RBFOX3: variants seen among roughly 807,000 people sequenced by gnomAD.
RBFOX3 encodes RNA binding protein fox-1 homolog 3.
A neutral mutation model predicts 48.7 loss-of-function variants in RBFOX3; 17 were observed. That is an observed-to-expected ratio of 0.35 (90% CI 0.24 to 0.52). RBFOX3 has a LOEUF of 0.52. Among genes scored for constraint, RBFOX3 ranks in the 20% least tolerant of loss-of-function variants. The probability of loss-of-function intolerance (pLI) is 0.94; values close to 1 mark genes in which losing one functional copy is unlikely to be tolerated. For missense variants in RBFOX3, 382 were observed against 497.5 expected (o/e 0.77, Z 2.21); for synonymous variants, 212 against 209.5 (o/e 1.01, Z -0.10).
chr17:79,500,179 C>T (rs1056134087), intron 1 of RBFOX3, among the ~76,000 whole-genome samples: 1 of 152,112 alleles, frequency 6.6e-6, no homozygotes, highest in East Asian at 1.9e-4. Context: ...AACCCACAGA[C>T]CCATAAGGGA....
chr17:79,124,328 C>T (rs541530601), intron 4 of RBFOX3, among the ~76,000 whole-genome samples: 12 of 152,346 alleles, frequency 7.9e-5, no homozygotes, highest in African/African-American at 2.2e-4. Flanking sequence ...ATGGCTGCCC[C>T]GGAGGCCTGA....
chr17:79,452,831 G>A (rs1442362336), intron 2 of RBFOX3, among the ~76,000 whole-genome samples: 2 of 152,176 alleles, frequency 1.3e-5, no homozygotes, highest in African/African-American at 4.8e-5. Context: ...CAACCCGGGG[G>A]CATTGCAGGG....
intron 4 of RBFOX3, among the ~76,000 whole-genome samples, chr17:79,138,743 C>CAT (rs74857731): frequency 9.5e-6 from 1 of 104,996 alleles, no homozygotes; most frequent in African/African-American, 3.9e-5. Flanking sequence ...GCACACAGCA[C>CAT]GTGTTCACAC....
rs559827386 is a variant in RBFOX3 at position 79,110,395 on chromosome 17, G to A, written c.223-3607C>T. On this transcript the variant is annotated intron_variant, in intron 5 of 14. Transcript: ENST00000693108. The stretch of plus-strand genomic sequence containing the variant: ...CGCCTGGGGCCCCCAAGCTTGGCAC[G>A]GAGACAGACAAAGGGAATGAGCCCC... Among the ~76,000 whole-genome samples the A allele has an allele frequency of 3.3e-5, 5 of 152,212 alleles. 1 individual carries two copies. In the South Asian group the frequency reaches 6.2e-4, roughly 19 times the overall value.
At chr17:79,513,688 G>A (rs2149896918) in intron 1 of RBFOX3, among the ~76,000 whole-genome samples, 1 of 152,304 alleles carries the variant, frequency 6.6e-6, no homozygotes, top group East Asian at 1.9e-4. Flanking sequence ...GAGCTCCAGT[G>A]TCCTCCACTC....
At position 79,327,512 on chromosome 17, in the gene RBFOX3, C is replaced by T. The variant is rs560220158; in HGVS notation, c.-174-19688G>A. Among the ~76,000 whole-genome samples the T allele has an allele frequency of 3.3e-5, 5 of 152,350 alleles. No individual in the cohort carries two copies. In the East Asian group the frequency reaches 5.8e-4, roughly 18 times the overall value. On this transcript the variant is annotated intron_variant, in intron 2 of 14. Coordinates refer to ENST00000693108, the MANE Select transcript of RBFOX3 (RefSeq NM_001350451.2). Reference sequence around the variant, plus strand: ...GAATGCTCCAGAGCCAGGTCCTAACCGGGATGAAATCAGGCTGCACCTGAG... The same window carrying T: ...GAATGCTCCAGAGCCAGGTCCTAACTGGGATGAAATCAGGCTGCACCTGAG...
At position 79,179,188 on chromosome 17, in the gene RBFOX3, G is replaced by C. The variant is rs1486079894; in HGVS notation, c.-34+56578C>G. 2.0e-5 allele frequency among the ~76,000 whole-genome samples: 3 copies of C among 152,220 alleles called. No individual in the cohort carries two copies. The East Asian group carries it at 5.8e-4, about 29-fold the overall frequency. ...ATTAGCAGCCTCGCTACCTTAGAGG[G>C]AAGAGAGAATGATTATTAATAAGAA... On this transcript the variant is annotated intron_variant, in intron 4 of 14. Transcript: ENST00000693108.
chr17:79,103,322 CGAG>C lies in RBFOX3; in HGVS notation c.415-71_415-69del. Reference sequence around the variant, plus strand: ...CACAGGGCGAGAAAGAGGAGGAAGACGAGGAAGAAGAGGAGTGGGAGGGGGGCA... The same window carrying C: ...CACAGGGCGAGAAAGAGGAGGAAGACGAAGAAGAGGAGTGGGAGGGGGGCA... On this transcript the variant is annotated intron_variant, in intron 7 of 14. Coordinates refer to ENST00000693108, the MANE Select transcript of RBFOX3 (RefSeq NM_001350451.2). This position sits in a 1 kb window ranked among gnomAD's most constrained non-coding sequence, Gnocchi z 6.1. The C allele has an allele frequency of 9.8e-7, 1 of 1,024,050 alleles. No homozygotes were observed. The highest frequency in any genetic ancestry group is 1.5e-6 in the Non-Finnish European group (1 of 685,476). 63.4% of individuals were successfully genotyped at this position (1,024,050 alleles called of 1,614,324 possible).
chr17:79,553,980 C>T (rs1003452575), intron 1 of RBFOX3, among the ~76,000 whole-genome samples: 37 of 152,164 alleles, frequency 2.4e-4, no homozygotes, highest in Non-Finnish European at 4.3e-4. Context: ...GCAATCCACC[C>T]GCCTCGGCCT....
chr17:79,454,976 G>A (rs962019993), intron 2 of RBFOX3, among the ~76,000 whole-genome samples: 5 of 152,196 alleles, frequency 3.3e-5, no homozygotes, highest in East Asian at 1.9e-4. Context: ...CCACGTGCAC[G>A]AGGCCCGACA....
At chr17:79,446,032 C>T (rs1350388626) in intron 2 of RBFOX3, among the ~76,000 whole-genome samples, 1 of 152,186 alleles carries the variant, frequency 6.6e-6, no homozygotes, top group Non-Finnish European at 1.5e-5. Context: ...ATGCAAGGAA[C>T]GGCCTCCACA....
intron 1 of RBFOX3, among the ~76,000 whole-genome samples, chr17:79,538,225 C>T (rs1332012028): frequency 1.3e-5 from 2 of 152,216 alleles, no homozygotes; most frequent in Non-Finnish European, 2.9e-5. Flanking sequence ...GTCTTCTCTC[C>T]CACAGGCTGA....
chr17:79,571,091 CCTAG>C (rs1295740263), intron 1 of RBFOX3, among the ~76,000 whole-genome samples: 3 of 152,282 alleles, frequency 2.0e-5, no homozygotes, highest in East Asian at 1.9e-4. Context: ...CCGGCCCTGG[CCTAG>C]CTGTCATTTA....
chr17:79,516,184 C>T (rs2085227625), intron 1 of RBFOX3: 1 of 152,232 alleles, frequency 6.6e-6, no homozygotes, highest in African/African-American at 2.4e-5. Context: ...ATGTTCAACA[C>T]AACAAACGAA....
chr17:79,534,962 A>T (rs2088469312), intron 1 of RBFOX3, among the ~76,000 whole-genome samples: 1 of 151,952 alleles, frequency 6.6e-6, no homozygotes, highest in Non-Finnish European at 1.5e-5. Flanking sequence ...GCTCTGGGGG[A>T]CTGCCATGTG....
At chr17:79,434,291 C>A (rs1486219346) in intron 2 of RBFOX3, among the ~76,000 whole-genome samples, 1 of 152,164 alleles carries the variant, frequency 6.6e-6, no homozygotes, top group Non-Finnish European at 1.5e-5. Context: ...TTTGGGGTCA[C>A]AAATAAATTT....
chr17:79,647,485 C>A, the RBFOX3 span, among the ~76,000 whole-genome samples: 1 of 152,276 alleles, frequency 6.6e-6, no homozygotes, highest in East Asian at 1.9e-4. Context: ...GCCTTAATAC[C>A]TCTGCACAAG....
intron 1 of RBFOX3, among the ~76,000 whole-genome samples, chr17:79,560,204 T>C (rs1230034766): frequency 6.6e-6 from 1 of 151,978 alleles, no homozygotes; most frequent in Non-Finnish European, 1.5e-5. Context: ...TAGAAGTGAC[T>C]GGGCTGAAAT....
intron 4 of RBFOX3, among the ~76,000 whole-genome samples, chr17:79,172,206 A>G (rs1158630932): frequency 2.0e-5 from 3 of 152,134 alleles, no homozygotes; most frequent in Middle Eastern, 3.4e-3. Context: ...AGAAAAAGAA[A>G]AAAACGCCAA....
Sources: allele counts gnomAD v4.1 joint callset (sites outside exome capture counted in the v4.1 genomes callset), GRCh38; gene constraint gnomAD v4.1.1; non-coding constraint Gnocchi (gnomAD v3.1); transcripts MANE v1.5; gene names NCBI Gene and HGNC (gene_info 2026-07-23, HGNC 2026-07-21).